The following KLRG1 variants were observed in gnomAD, a reference collection of about 807,000 sequenced individuals.
KLRG1 encodes the protein killer cell lectin-like receptor subfamily G member 1.
KLRG1 carries 16 observed loss-of-function variants against 21.8 expected under a neutral mutation model. That is an observed-to-expected ratio of 0.73 (90% confidence interval 0.50 to 1.11). The LOEUF (loss-of-function observed/expected upper bound fraction) is 1.11. Among genes scored for constraint, KLRG1 ranks in the 50% most tolerant of loss-of-function variants. The probability of loss-of-function intolerance (pLI) is 0.00; values close to 1 mark genes in which losing one functional copy is unlikely to be tolerated. For missense variants in KLRG1, 173 were observed against 218.3 expected (o/e 0.79, Z 1.31); for synonymous variants, 69 against 75.9 (o/e 0.91, Z 0.47).
chr12:9,144,163 G>A, the KLRG1 span, among the ~76,000 whole-genome samples: 1 of 151,964 alleles, frequency 6.6e-6, no homozygotes, highest in African/African-American at 2.4e-5. Flanking sequence ...AGCCACATGA[G>A]GAAGAGAGAG....
chr12:9,185,008 A>T, the KLRG1 span, among the ~76,000 whole-genome samples: 2 of 152,214 alleles, frequency 1.3e-5, no homozygotes, highest in East Asian at 3.8e-4. Flanking sequence ...CTGACAACTC[A>T]AAGAGCCAGA....
chr12:8,978,018 C>G (rs1946686219), intron 1 of KLRG1, among the ~76,000 whole-genome samples: 1 of 152,168 alleles, frequency 6.6e-6, no homozygotes, highest in Non-Finnish European at 1.5e-5. Context: ...ACCACCATGC[C>G]TGGCTAATTT....
At chr12:9,018,285 A>G in the KLRG1 span, among the ~76,000 whole-genome samples, 3 of 152,092 alleles carry the variant, frequency 2.0e-5, no homozygotes, top group African/African-American at 7.2e-5. Context: ...GGAACCACAA[A>G]CCCAGAATAG....
the KLRG1 span, chr12:9,104,114 G>C: frequency 1.0e-6 from 1 of 963,716 alleles, no homozygotes; most frequent in African/African-American, 1.7e-5. Context: ...CCTTCAATCG[G>C]TTTCTAATTG....
At chr12:9,027,160 G>T in the KLRG1 span, among the ~76,000 whole-genome samples, 1 of 151,906 alleles carries the variant, frequency 6.6e-6, no homozygotes, top group African/African-American at 2.4e-5. Context: ...TGTGTGAGGT[G>T]AGAACACTTA....
the KLRG1 span, chr12:9,203,975 T>TC: frequency 1.3e-6 from 2 of 1,578,620 alleles, no homozygotes; most frequent in Non-Finnish European, 8.6e-7. Flanking sequence ...AAGTCTAAAT[T>TC]AGAGAAAAAC....
chr12:9,160,552 A>T, the KLRG1 span: 1 of 1,477,326 alleles, frequency 6.8e-7, no homozygotes, highest in Non-Finnish European at 9.3e-7. Flanking sequence ...CAACATTATT[A>T]ACAAAAATGG....
chr12:9,203,792 G>A, the KLRG1 span: 1 of 1,614,120 alleles, frequency 6.2e-7, no homozygotes. Context: ...AGTGGAATAA[G>A]TCCTTCTCCG....
At chr12:9,162,532 G>T in the KLRG1 span, 1 of 1,117,274 alleles carries the variant, frequency 9.0e-7, no homozygotes, top group South Asian at 1.4e-5. Context: ...AATGTGCATT[G>T]TAACTTGAGG....
chr12:9,136,915 T>C, the KLRG1 span, among the ~76,000 whole-genome samples: 1 of 152,224 alleles, frequency 6.6e-6, no homozygotes, highest in Non-Finnish European at 1.5e-5. Context: ...GTTGCTTATA[T>C]GTTTTGGATA....
At chr12:8,997,007 G>A (rs1046627445) in intron 3 of KLRG1, among the ~76,000 whole-genome samples, 1 of 152,070 alleles carries the variant, frequency 6.6e-6, no homozygotes, top group Non-Finnish European at 1.5e-5. Context: ...AGGTGAGGAG[G>A]GAAAGGATGA....
chr12:8,961,673 G>A (rs886178278), intron 1 of KLRG1, among the ~76,000 whole-genome samples: 2 of 151,858 alleles, frequency 1.3e-5, no homozygotes, highest in Non-Finnish European at 2.9e-5. Flanking sequence ...TGTCTGCCTC[G>A]GCCTCCCAAA....
chr12:9,110,301 T>G, the KLRG1 span: 3 of 1,467,948 alleles, frequency 2.0e-6, no homozygotes, highest in Non-Finnish European at 2.8e-6. Context: ...ATGGAATGTT[T>G]CATGTTGCTT....
the KLRG1 span, chr12:9,149,644 T>C: frequency 6.9e-5 from 110 of 1,594,504 alleles, no homozygotes; most frequent in Non-Finnish European, 9.0e-5. Context: ...GAAAGATCTA[T>C]GAACTAGGGA....
chr12:9,203,981 A>C, the KLRG1 span: 1 of 1,559,810 alleles, frequency 6.4e-7, no homozygotes, highest in South Asian at 1.1e-5. Context: ...AAATTAGAGA[A>C]AAACTGATGA....
At chr12:9,125,285 T>C in the KLRG1 span, among the ~76,000 whole-genome samples, 1 of 152,200 alleles carries the variant, frequency 6.6e-6, no homozygotes, top group African/African-American at 2.4e-5. Flanking sequence ...CTTCATCTTG[T>C]CCTTCACTTG....
chr12:9,101,345 G>T, the KLRG1 span: 21 of 1,338,570 alleles, frequency 1.6e-5, no homozygotes, highest in Admixed American at 6.1e-5. Context: ...AAGGAACATG[G>T]ATAAGAAGTT....
At chr12:9,199,924 C>T in the KLRG1 span, among the ~76,000 whole-genome samples, 99 of 152,212 alleles carry the variant, frequency 6.5e-4, no homozygotes, top group Admixed American at 1.4e-3. Context: ...AACCAATGTG[C>T]GAACACCCAG....
At chr12:8,988,794 C>T (rs886709815), upstream of KLRG1, among the ~76,000 whole-genome samples, 2 of 152,096 alleles carry the variant, frequency 1.3e-5, no homozygotes, top group African/African-American at 4.8e-5. Flanking sequence ...GTTGGCCAGG[C>T]TGGTCTTGAA....
Sources: allele counts gnomAD v4.1 joint callset (sites outside exome capture counted in the v4.1 genomes callset), GRCh38; gene constraint gnomAD v4.1.1; transcripts MANE v1.5; gene names NCBI Gene and HGNC (gene_info 2026-07-23, HGNC 2026-07-21).